Variants in TSHZ2 observed in about 807,000 individuals in gnomAD.
TSHZ2 encodes the protein teashirt zinc finger homeobox 2, also known as teashirt homolog 2.
In TSHZ2, 21 loss-of-function variants were observed where a neutral mutation model predicts 74.4. The observed-to-expected ratio is 0.28, with a 90% CI of 0.20 to 0.41. TSHZ2 has a LOEUF of 0.41. TSHZ2 is among the 10% of genes least tolerant of loss of function. The probability of loss-of-function intolerance (pLI) is 1.00; values close to 1 mark genes in which losing one functional copy is unlikely to be tolerated. For synonymous variants in TSHZ2, 540 were observed against 515.3 expected, an observed-to-expected ratio of 1.05 and a Z score of -0.65; for missense variants, 1,244 against 1,293.5, an observed-to-expected ratio of 0.96 and a Z score of 0.59.
At chr20:53,420,396 A>G (rs1287085625) in intron 2 of TSHZ2, among the ~76,000 whole-genome samples, 3 of 152,214 alleles carry the variant, frequency 2.0e-5, no homozygotes, top group African/African-American at 7.2e-5. Flanking sequence ...AAAGTTTCAC[A>G]AATTTCATTC....
intron 2 of TSHZ2, among the ~76,000 whole-genome samples, chr20:53,318,457 T>C (rs1366260630): frequency 6.6e-6 from 1 of 152,204 alleles, no homozygotes; most frequent in East Asian, 1.9e-4. Context: ...AAGACAATTG[T>C]TTCATCTTGT....
chr20:53,123,922 C>T (rs1355700867), intron 1 of TSHZ2, among the ~76,000 whole-genome samples: 3 of 152,154 alleles, frequency 2.0e-5, no homozygotes, highest in Non-Finnish European at 2.9e-5. Context: ...AACAATTCTC[C>T]GTGTTAATGC....
chr20:53,051,243 G>A (rs1984448552), intron 1 of TSHZ2, among the ~76,000 whole-genome samples: 1 of 152,150 alleles, frequency 6.6e-6, no homozygotes, highest in African/African-American at 2.4e-5. Context: ...GGAGGCTGAG[G>A]CAGAAGACCT....
intron 1 of TSHZ2, among the ~76,000 whole-genome samples, chr20:53,050,139 GTGTA>G (rs1225457143): frequency 2.6e-5 from 2 of 76,998 alleles, no homozygotes; most frequent in South Asian, 4.5e-4. Flanking sequence ...ATATATATAT[GTGTA>G]TATATATATA....
At chr20:53,373,445 C>G (rs1201006188) in intron 2 of TSHZ2, among the ~76,000 whole-genome samples, 2 of 152,018 alleles carry the variant, frequency 1.3e-5, no homozygotes, top group Non-Finnish European at 2.9e-5. Context: ...TTTAAATGGC[C>G]TTTCTTCTTG....
chr20:53,187,308 C>T (rs181538616), intron 1 of TSHZ2, among the ~76,000 whole-genome samples: 6 of 152,214 alleles, frequency 3.9e-5, no homozygotes, highest in Non-Finnish European at 7.4e-5. Flanking sequence ...GAGCAGGTAT[C>T]GATTGTGTAT....
intron 2 of TSHZ2, among the ~76,000 whole-genome samples, chr20:53,342,282 G>C (rs555403896): frequency 1.4e-5 from 2 of 138,984 alleles, no homozygotes; most frequent in Non-Finnish European, 3.1e-5. Context: ...CTTGTTGGCA[G>C]TAATATCTTC....
chr20:53,010,046 C>T (rs1025529056), intron 1 of TSHZ2, among the ~76,000 whole-genome samples: 10 of 152,126 alleles, frequency 6.6e-5, no homozygotes, highest in African/African-American at 2.4e-4. Flanking sequence ...GGCTCTCGTC[C>T]ATGGGTCTAC....
At chr20:53,462,135 TCTC>T (rs1346954532) in intron 2 of TSHZ2, among the ~76,000 whole-genome samples, 1 of 151,732 alleles carries the variant, frequency 6.6e-6, no homozygotes, top group Admixed American at 6.6e-5. Context: ...GCACCTGTAA[TCTC>T]AGCTGCTTGG....
intron 1 of TSHZ2, among the ~76,000 whole-genome samples, chr20:53,218,694 T>C (rs984171580): frequency 6.6e-6 from 1 of 152,226 alleles, no homozygotes; most frequent in African/African-American, 2.4e-5. Flanking sequence ...TGTTTGGGTC[T>C]TTCTTTTCAT....
chr20:53,360,835 G>C (rs1164657215), intron 2 of TSHZ2, among the ~76,000 whole-genome samples: 2 of 152,152 alleles, frequency 1.3e-5, no homozygotes, highest in Non-Finnish European at 2.9e-5. Context: ...ATATAAAGTT[G>C]TGCTATGACA....
At chr20:53,116,325 A>T (rs896904781) in intron 1 of TSHZ2, among the ~76,000 whole-genome samples, 21 of 152,178 alleles carry the variant, frequency 1.4e-4, no homozygotes, top group African/African-American at 4.1e-4. Flanking sequence ...TAGGCAAATC[A>T]TTATTCGGTA....
intron 2 of TSHZ2, among the ~76,000 whole-genome samples, chr20:53,469,715 A>G (rs1985719891): frequency 1.1e-5 from 1 of 89,636 alleles, no homozygotes; most frequent in Non-Finnish European, 2.3e-5. Flanking sequence ...AGAAAGAGAG[A>G]GGGAGGAAGG....
At chr20:53,400,093 G>A (rs1267824808) in intron 2 of TSHZ2, 3 of 152,788 alleles carry the variant, frequency 2.0e-5, no homozygotes, top group Admixed American at 6.5e-5. Flanking sequence ...ACTCACTGCG[G>A]AGTGCTGAGC....
intron 1 of TSHZ2, among the ~76,000 whole-genome samples, chr20:53,120,076 C>A (rs1193181494): frequency 6.6e-6 from 1 of 152,220 alleles, no homozygotes; most frequent in Admixed American, 6.5e-5. Context: ...CTCCCACATC[C>A]CATCTAGATA....
intron 2 of TSHZ2, among the ~76,000 whole-genome samples, chr20:53,358,326 GTTC>G (rs370405427): frequency 2.3e-5 from 3 of 131,296 alleles, no homozygotes; most frequent in Non-Finnish European, 4.8e-5. Flanking sequence ...AGTTTCTGTG[GTTC>G]TTTTTTTTTT....
intron 2 of TSHZ2, among the ~76,000 whole-genome samples, chr20:53,381,460 T>C (rs906780613): frequency 6.6e-6 from 1 of 152,216 alleles, no homozygotes; most frequent in Admixed American, 6.5e-5. Flanking sequence ...CCATGCACCA[T>C]GCTTGCTCCC....
chr20:53,378,250 G>T (rs1174940471), intron 2 of TSHZ2, among the ~76,000 whole-genome samples: 1 of 151,148 alleles, frequency 6.6e-6, no homozygotes, highest in Non-Finnish European at 1.5e-5. Context: ...TGATGCAGGG[G>T]AATCGCTTGA....
intron 1 of TSHZ2, among the ~76,000 whole-genome samples, chr20:53,069,251 T>C (rs978157105): frequency 2.6e-4 from 40 of 152,246 alleles, no homozygotes; most frequent in African/African-American, 9.6e-4. Context: ...GAATACCCAG[T>C]GGGCTGCACT....
Sources: allele counts gnomAD v4.1 joint callset (sites outside exome capture counted in the v4.1 genomes callset), GRCh38; gene constraint gnomAD v4.1.1; transcripts MANE v1.5; gene names NCBI Gene and HGNC (gene_info 2026-07-23, HGNC 2026-07-21).